VPS13B: variants seen among roughly 807,000 people sequenced by gnomAD.
VPS13B encodes vacuolar protein sorting 13 homolog B, also known as intermembrane lipid transfer protein VPS13B.
VPS13B carries 285 observed loss-of-function variants against 426.4 expected under a neutral mutation model. That is an observed-to-expected ratio of 0.67 (90% CI 0.61 to 0.74). The LOEUF (loss-of-function observed/expected upper bound fraction) is 0.74, where lower values mean the gene tolerates loss of function less well. VPS13B is among the 30% of genes least tolerant of loss of function. The probability of loss-of-function intolerance (pLI) is 0.00; values close to 1 mark genes in which losing one functional copy is unlikely to be tolerated. For missense variants in VPS13B, 4,537 were observed against 4,782.6 expected, an observed-to-expected ratio of 0.95 and a Z score of 1.51; for synonymous variants, 1,676 against 1,676.4, an observed-to-expected ratio of 1.00 and a Z score of 0.01.
intron 33 of VPS13B, among the ~76,000 whole-genome samples, chr8:99,615,903 A>G (rs1462472393): frequency 6.6e-6 from 1 of 152,162 alleles, no homozygotes; most frequent in East Asian, 1.9e-4. Context: ...ATGCGATGCT[A>G]GTATATATGT....
At chr8:99,241,842 T>A (rs1351179075) in intron 17 of VPS13B, among the ~76,000 whole-genome samples, 1 of 152,228 alleles carries the variant, frequency 6.6e-6, no homozygotes, top group East Asian at 1.9e-4. Context: ...GCAAATGAGA[T>A]ACTTTATGTC....
At chr8:99,795,108 C>A (rs1311776720) in intron 43 of VPS13B, among the ~76,000 whole-genome samples, 1 of 152,154 alleles carries the variant, frequency 6.6e-6, no homozygotes, top group Non-Finnish European at 1.5e-5. Flanking sequence ...TCTGACGGTC[C>A]TTCCTTAAGC....
intron 39 of VPS13B, among the ~76,000 whole-genome samples, chr8:99,736,919 C>T (rs1353815747): frequency 6.6e-6 from 1 of 151,756 alleles, no homozygotes; most frequent in Non-Finnish European, 1.5e-5. Flanking sequence ...AAGCTAAGCC[C>T]AGAGAGGTTA....
At chr8:99,455,495 A>G (rs1461064391) in intron 23 of VPS13B, among the ~76,000 whole-genome samples, 1 of 152,166 alleles carries the variant, frequency 6.6e-6, no homozygotes. Context: ...ACACTTAAAC[A>G]GCCAGCTCTT....
At chr8:99,463,993 C>A (rs559960155) in intron 23 of VPS13B, among the ~76,000 whole-genome samples, 1 of 152,242 alleles carries the variant, frequency 6.6e-6, no homozygotes, top group South Asian at 2.1e-4. Context: ...CCGCTCCAGG[C>A]CTTAACTGTC....
At chr8:99,491,230 G>A (rs530082469) in intron 25 of VPS13B, among the ~76,000 whole-genome samples, 6 of 152,044 alleles carry the variant, frequency 3.9e-5, no homozygotes, top group South Asian at 2.1e-4. Flanking sequence ...TGAGACATCC[G>A]CTGTTAGTCT....
At chr8:99,784,607 C>T (rs900532471) in intron 43 of VPS13B, 131 bp downstream of exon 43, 24 of 1,242,118 alleles carry the variant, frequency 1.9e-5, no homozygotes, top group Middle Eastern at 2.3e-4. Context: ...CTACATCTGA[C>T]GGAAACCCAA....
chr8:99,819,498 C>G lies in VPS13B; in HGVS notation c.8708C>G (p.Thr2903Arg), dbSNP rs1012693102. 6.2e-7 allele frequency: 1 copy of G among 1,613,732 alleles called. No homozygotes were observed. The highest frequency in any genetic ancestry group is 8.5e-7 in the Non-Finnish European group (1 of 1,179,866). ...GCCACTAAGGTACACCCTGGAGGCACAGTTAATCAGATCCTTGACGAATTC... is the reference window on the plus strand; with the variant it reads ...GCCACTAAGGTACACCCTGGAGGCAGAGTTAATCAGATCCTTGACGAATTC... ...QIATKVHPGG[T>R]VNQILDEFYG... is the part of the protein sequence containing the mutation. Residue 2903 changes from threonine (T) to arginine (R), a missense_variant, in exon 48 of 62, where the codon ACA becomes AGA. Around this residue, in one of 2 missense-constraint regions of VPS13B, gnomAD observed 4,311 missense variants for 4,474.3 expected, o/e 0.96. Transcript: ENST00000357162.
chr8:99,640,017 AATAATAAT>A, intron 33 of VPS13B, among the ~76,000 whole-genome samples: 2 of 121,088 alleles, frequency 1.7e-5, no homozygotes, highest in Admixed American at 1.9e-4. Context: ...TAATAATAAT[AATAATAAT>A]AAGAAGAAGA....
chr8:99,482,424 T>A (rs1369079675), intron 25 of VPS13B, among the ~76,000 whole-genome samples: 2 of 152,190 alleles, frequency 1.3e-5, no homozygotes, highest in African/African-American at 4.8e-5. Flanking sequence ...AAATATATAA[T>A]GTCTTAAATA....
Position 99,721,046 on chromosome 8 carries a change from A to G in VPS13B, c.7049A>G (p.Gln2350Arg). 6.2e-7 allele frequency: 1 copy of G among 1,613,940 alleles called. No individual in the cohort carries two copies. The highest frequency in any genetic ancestry group is 8.5e-7 in the Non-Finnish European group (1 of 1,179,862). The part of the protein sequence containing the change: ...ISTADLGDVL[Q>R]VPCSLEYWDE... ...ACAGCAGACCTTGGTGATGTGCTAC[A>G]GGTATGTAATGACCATTCATTGTAA... The change falls in exon 39 of 62, where the codon CAG becomes CGG. Residue 2350 changes from glutamine to arginine, a missense_variant and splice_region_variant. Coordinates refer to ENST00000357162, the MANE Select transcript of VPS13B (RefSeq NM_152564.5).
At chr8:99,313,997 A>G (rs1821169158) in intron 19 of VPS13B, among the ~76,000 whole-genome samples, 1 of 152,090 alleles carries the variant, frequency 6.6e-6, no homozygotes, top group Non-Finnish European at 1.5e-5. Context: ...CTTGTGTGCC[A>G]TTTGCTAAGA....
In VPS13B at chr8:99,642,226, G is replaced by A. The variant is rs760882381; in HGVS notation, c.5636G>A (p.Ser1879Asn). 5.0e-6 allele frequency: 8 copies of A among 1,614,036 alleles called. No homozygotes were observed. The African/African-American group carries it at 8.0e-5, about 16-fold the overall frequency. ...ACAGCAGAAGATCTCTTAAGGAGCA[G>A]CATTTCTTTTCCTTCAGGGAAAAAA... ...TVTAEDLLRS[S>N]ISFPSGKKIG... Residue 1879 changes from serine (S) to asparagine (N), a missense_variant, in exon 34 of 62, where the codon AGC becomes AAC. Physicochemically the swap from Ser to Asn is conservative, Grantham distance 46 (BLOSUM62 1). This residue lies in a region of VPS13B where 4,311 missense variants were observed against 4,474.3 expected (regional missense o/e 0.96). Transcript: ENST00000357162.
intron 14 of VPS13B, among the ~76,000 whole-genome samples, chr8:99,153,005 C>CA (rs1811157151): frequency 6.6e-6 from 1 of 151,808 alleles, no homozygotes; most frequent in Admixed American, 6.6e-5. Context: ...CCTGTCTCTA[C>CA]AAAAAAATAC....
chr8:99,756,365 C>T (rs905674849), intron 39 of VPS13B, among the ~76,000 whole-genome samples: 1 of 152,082 alleles, frequency 6.6e-6, no homozygotes, highest in Admixed American at 6.5e-5. Context: ...AGATCTGTGA[C>T]ACACCATCAA....
At chr8:99,138,274 G>A (rs1810192988) in intron 12 of VPS13B, among the ~76,000 whole-genome samples, 1 of 152,154 alleles carries the variant, frequency 6.6e-6, no homozygotes, top group African/African-American at 2.4e-5. Context: ...CTACAGGCAT[G>A]CGCTGCCATG....
At chr8:99,296,375 A>G (rs888121774) in intron 19 of VPS13B, among the ~76,000 whole-genome samples, 2 of 152,264 alleles carry the variant, frequency 1.3e-5, no homozygotes, top group African/African-American at 4.8e-5. Flanking sequence ...ATAGAAAAAT[A>G]TTTTGGAAGT....
chr8:99,572,215 A>G lies in VPS13B; in HGVS notation c.4950-3443A>G, dbSNP rs183182212. On this transcript the variant is annotated intron_variant, in intron 31 of 61. Transcript: ENST00000357162. ...TTGATAAAATGAAAACTAAGAATATACGCAGTGGACTTGAAGATCTATACC... is the reference window on the plus strand; with the variant it reads ...TTGATAAAATGAAAACTAAGAATATGCGCAGTGGACTTGAAGATCTATACC... Among the ~76,000 whole-genome samples the G allele has an allele frequency of 1.6e-4, 24 of 152,344 alleles. No individual in the cohort carries two copies. In the East Asian group the frequency reaches 4.6e-3, roughly 29 times the overall value.
chr8:99,497,686 T>G (rs953346470), intron 25 of VPS13B, among the ~76,000 whole-genome samples: 1 of 152,112 alleles, frequency 6.6e-6, no homozygotes, highest in Non-Finnish European at 1.5e-5. Flanking sequence ...GAGTTTGCTG[T>G]AGTAGCAAAA....
Sources: allele counts gnomAD v4.1 joint callset (sites outside exome capture counted in the v4.1 genomes callset), GRCh38; gene constraint gnomAD v4.1.1; regional missense constraint gnomAD v4.1.1; transcripts MANE v1.5; gene names NCBI Gene and HGNC (gene_info 2026-07-23, HGNC 2026-07-21).